Variants in KCNH7 observed in about 807,000 individuals in gnomAD.
KCNH7 encodes potassium voltage-gated channel subfamily H member 7.
In KCNH7, 49 loss-of-function variants were observed where a neutral mutation model predicts 120.8. That is an observed-to-expected ratio of 0.41 (90% confidence interval 0.32 to 0.51). The LOEUF is 0.51. KCNH7 is among the 20% of genes least tolerant of loss of function. The probability of loss-of-function intolerance (pLI) is 0.38; values close to 1 mark genes in which losing one functional copy is unlikely to be tolerated. For synonymous variants in KCNH7, 547 were observed against 516.1 expected (o/e 1.06, Z -0.81); for missense variants, 1,097 against 1,446.6 (o/e 0.76, Z 3.92).
intron 2 of KCNH7, among the ~76,000 whole-genome samples, chr2:162,672,286 G>C (rs892017061): frequency 6.6e-6 from 1 of 152,026 alleles, no homozygotes; most frequent in Admixed American, 6.6e-5. Flanking sequence ...CAAATTTCAA[G>C]AGATTGAGTT....
chr2:162,476,858 G>C (rs1689764192), intron 6 of KCNH7, among the ~76,000 whole-genome samples: 1 of 152,140 alleles, frequency 6.6e-6, no homozygotes. Flanking sequence ...CTTCTCAGAT[G>C]TTAAAAAGTG....
intron 2 of KCNH7, among the ~76,000 whole-genome samples, chr2:162,748,465 T>G (rs549113640): frequency 5.9e-5 from 9 of 152,296 alleles, no homozygotes; most frequent in African/African-American, 7.2e-5. Flanking sequence ...AACAATTTTT[T>G]TTTGTGTGTG....
At chr2:162,392,334 A>C (rs1205895227) in intron 12 of KCNH7, among the ~76,000 whole-genome samples, 1 of 151,714 alleles carries the variant, frequency 6.6e-6, no homozygotes, top group East Asian at 1.9e-4. Flanking sequence ...AAGGAAGCAA[A>C]TTAATTAAGG....
chr2:162,706,606 T>A (rs1326787097), intron 2 of KCNH7, among the ~76,000 whole-genome samples: 1 of 152,058 alleles, frequency 6.6e-6, no homozygotes, highest in Admixed American at 6.6e-5. Context: ...TAATCAAAGA[T>A]GTTCAAACTC....
intron 6 of KCNH7, among the ~76,000 whole-genome samples, chr2:162,470,632 GC>G (rs1487478638): frequency 1.3e-5 from 2 of 150,600 alleles, no homozygotes; most frequent in Admixed American, 1.3e-4. Context: ...GGGGGGGTCA[GC>G]CCCCCGCCCG....
At chr2:162,395,774 C>T (rs1686895460) in intron 11 of KCNH7, among the ~76,000 whole-genome samples, 2 of 151,518 alleles carry the variant, frequency 1.3e-5, no homozygotes, top group South Asian at 2.1e-4. Flanking sequence ...CATCTAGGGG[C>T]CCTTAAAATT....
chr2:162,559,085 A>G (rs1692968444), intron 2 of KCNH7, among the ~76,000 whole-genome samples: 2 of 149,226 alleles, frequency 1.3e-5, no homozygotes, highest in Non-Finnish European at 3.0e-5. Context: ...AAGCAAAAAA[A>G]CAAAAAACAA....
At chr2:162,709,268 C>T (rs970989275) in intron 2 of KCNH7, among the ~76,000 whole-genome samples, 3 of 151,988 alleles carry the variant, frequency 2.0e-5, no homozygotes, top group African/African-American at 7.2e-5. Context: ...CTGTTTAGCT[C>T]AGAGTAGGCA....
chr2:162,782,014 G>A (rs1683513069), intron 2 of KCNH7, among the ~76,000 whole-genome samples: 1 of 152,094 alleles, frequency 6.6e-6, no homozygotes, highest in South Asian at 2.1e-4. Context: ...TTGAAATATG[G>A]CATTTAAAAT....
chr2:162,762,013 AG>A (rs1688985155), intron 2 of KCNH7, among the ~76,000 whole-genome samples: 1 of 148,996 alleles, frequency 6.7e-6, no homozygotes, highest in East Asian at 1.9e-4. Context: ...GAGTCCCTCA[AG>A]AATGGGCAGA....
rs1392601605 is a variant in KCNH7 at position 162,512,677 on chromosome 2, G to T, written c.893-3C>A. The T allele has an allele frequency of 6.2e-7, 1 of 1,607,170 alleles. No homozygotes were observed. The highest frequency in any genetic ancestry group is 8.5e-7 in the Non-Finnish European group (1 of 1,175,218). ...ACCTTTGACATTGCGACCATTGTCT[G>T]TTTTGAGCACATAAGGATAAAAAAA... On this transcript the variant is annotated splice_polypyrimidine_tract_variant and splice_region_variant and intron_variant, in intron 4 of 15. Transcript: ENST00000332142.
intron 6 of KCNH7, among the ~76,000 whole-genome samples, chr2:162,447,024 G>A (rs1037079026): frequency 6.6e-6 from 1 of 152,054 alleles, no homozygotes; most frequent in Non-Finnish European, 1.5e-5. Flanking sequence ...GAACACAAAA[G>A]AGGCTTTTCC....
intron 3 of KCNH7, among the ~76,000 whole-genome samples, chr2:162,530,472 G>GCA (rs111443301): frequency 0.055 from 8,221 of 149,726 alleles, 476 homozygotes; most frequent in Admixed American, 0.19. Context: ...GAGCGTGCGC[G>GCA]CACACACACA....
chr2:162,509,614 T>C (rs1419760345), intron 5 of KCNH7, among the ~76,000 whole-genome samples: 2 of 151,632 alleles, frequency 1.3e-5, no homozygotes, highest in Non-Finnish European at 3.0e-5. Flanking sequence ...TTTTTCTTCA[T>C]ATTATCTGTT....
intron 2 of KCNH7, among the ~76,000 whole-genome samples, chr2:162,779,654 T>A (rs182117040): frequency 6.6e-6 from 1 of 152,200 alleles, no homozygotes; most frequent in Non-Finnish European, 1.5e-5. Flanking sequence ...TGCCATTTCA[T>A]TTTTATCCCC....
At chr2:162,656,696 G>A (rs916723200) in intron 2 of KCNH7, among the ~76,000 whole-genome samples, 9 of 152,110 alleles carry the variant, frequency 5.9e-5, no homozygotes, top group Non-Finnish European at 1.2e-4. Flanking sequence ...TGGTCATATG[G>A]TAGAAAACAA....
In KCNH7 at chr2:162,466,899, GAGAA is replaced by G. The variant is rs543999664; in HGVS notation, c.1129-20460_1129-20457del. On this transcript the variant is annotated intron_variant, in intron 6 of 15. Coordinates refer to ENST00000332142, the MANE Select transcript of KCNH7 (RefSeq NM_033272.4). Reference sequence around the variant, plus strand: ...AAAATAGAATAGGAAATGATTAAAAGAGAAAGACTCACTTAAAAATGAAGAGAGG... The same window carrying G: ...AAAATAGAATAGGAAATGATTAAAAGAGACTCACTTAAAAATGAAGAGAGG... 6.8e-4 allele frequency among the ~76,000 whole-genome samples: 103 copies of G among 152,294 alleles called. No individual in the cohort carries two copies. The Middle Eastern group carries it at 0.01, about 15-fold the overall frequency.
chr2:162,480,276 G>C (rs558835850), intron 6 of KCNH7, among the ~76,000 whole-genome samples: 1 of 152,252 alleles, frequency 6.6e-6, no homozygotes, highest in African/African-American at 2.4e-5. Context: ...AACACAGGAA[G>C]CTCCTCACAA....
intron 2 of KCNH7, among the ~76,000 whole-genome samples, chr2:162,815,911 C>T (rs762984065): frequency 3.3e-5 from 5 of 152,170 alleles, no homozygotes; most frequent in Non-Finnish European, 5.9e-5. Flanking sequence ...TTTTGGATTA[C>T]ATAATTAGAT....
Sources: allele counts gnomAD v4.1 joint callset (sites outside exome capture counted in the v4.1 genomes callset), GRCh38; gene constraint gnomAD v4.1.1; transcripts MANE v1.5; gene names NCBI Gene and HGNC (gene_info 2026-07-23, HGNC 2026-07-21).